Variants in PTPRA observed in about 807,000 individuals in gnomAD.
PTPRA encodes protein tyrosine phosphatase receptor type A, also known as receptor-type tyrosine-protein phosphatase alpha.
A neutral mutation model predicts 104.8 loss-of-function variants in PTPRA; 25 were observed. The observed-to-expected ratio is 0.24, with a 90% CI of 0.17 to 0.33. The LOEUF (loss-of-function observed/expected upper bound fraction) is 0.33, where lower values mean the gene tolerates loss of function less well. Among genes scored for constraint, PTPRA ranks in the 10% least tolerant of loss-of-function variants. The probability of loss-of-function intolerance (pLI) is 1.00; values close to 1 mark genes in which losing one functional copy is unlikely to be tolerated. For missense variants in PTPRA, 765 were observed against 1,015.3 expected (o/e 0.75, Z 3.35); for synonymous variants, 323 against 368.9 (o/e 0.88, Z 1.43).
At chr20:2,893,515 G>A (rs1290384753) in intron 1 of PTPRA, among the ~76,000 whole-genome samples, 2 of 152,082 alleles carry the variant, frequency 1.3e-5, no homozygotes, top group African/African-American at 4.8e-5. Context: ...AATATATTAT[G>A]TAGCTATATG....
chr20:2,913,355 G>T (rs1475774396), intron 1 of PTPRA, among the ~76,000 whole-genome samples: 2 of 152,098 alleles, frequency 1.3e-5, no homozygotes, highest in Non-Finnish European at 2.9e-5. Context: ...TCCAGCCTGG[G>T]TGACAGAGTG....
chr20:2,947,019 T>C (rs977975699), intron 2 of PTPRA, among the ~76,000 whole-genome samples: 1 of 152,152 alleles, frequency 6.6e-6, no homozygotes, highest in Non-Finnish European at 1.5e-5. Flanking sequence ...GTGAGCTCCT[T>C]GAGGACAGGA....
upstream of PTPRA, among the ~76,000 whole-genome samples, chr20:2,869,168 T>C (rs181855630): frequency 5.4e-4 from 82 of 152,364 alleles, no homozygotes; most frequent in Admixed American, 3.7e-3. Context: ...GATTCTACCA[T>C]TAGCATCTTA....
chr20:2,932,790 G>C (rs1213985975), intron 2 of PTPRA, among the ~76,000 whole-genome samples: 1 of 152,248 alleles, frequency 6.6e-6, no homozygotes, highest in African/African-American at 2.4e-5. Flanking sequence ...GAACCAGATG[G>C]TAAGTATAAT....
At chr20:2,924,270 C>T (rs749497885) in intron 2 of PTPRA, among the ~76,000 whole-genome samples, 4 of 152,084 alleles carry the variant, frequency 2.6e-5, no homozygotes, top group Admixed American at 6.6e-5. Context: ...AGTGTGGTGG[C>T]TCACGCCTGT....
rs1243064928 is a variant in PTPRA, at chr20:2,988,345, G to C, written c.609G>C (p.Gln203His). Residue 203 changes from glutamine (Q) to histidine (H), a missense_variant, in exon 9 of 24, where the codon CAG (glutamine) becomes CAC (histidine). Around this residue, in one of 4 missense-constraint regions of PTPRA, gnomAD observed 256 missense variants for 248.9 expected, o/e 1.03. Coordinates refer to ENST00000399903, the MANE Select transcript of PTPRA (RefSeq NM_001385305.1). ...CTCCCTTGTGTACTGCAGAGCCCCAGAGTGTGCCACTTCTGGCCAGATCCC... is the reference window on the plus strand; with the variant it reads ...CTCCCTTGTGTACTGCAGAGCCCCACAGTGTGCCACTTCTGGCCAGATCCC... Reference protein sequence around the residue: ...SNGRTEDVEPQSVPLLARSPS... With the variant: ...SNGRTEDVEPHSVPLLARSPS... 6.2e-7 allele frequency: 1 copy of C among 1,600,440 alleles called. No individual in the cohort carries two copies. Among genetic ancestry groups the C allele is most frequent in the South Asian group, 1.1e-5 (1 of 89,198 alleles).
At chr20:2,977,976 T>C (rs2062509812) in intron 6 of PTPRA, among the ~76,000 whole-genome samples, 1 of 151,928 alleles carries the variant, frequency 6.6e-6, no homozygotes, top group Non-Finnish European at 1.5e-5. Flanking sequence ...TTGGGAAGTT[T>C]AAATTAAAAT....
chr20:2,874,124 T>G (rs1023193225), intron 1 of PTPRA, among the ~76,000 whole-genome samples: 1 of 152,158 alleles, frequency 6.6e-6, no homozygotes, highest in African/African-American at 2.4e-5. Context: ...AGAGGAAAAC[T>G]CTTGGCATGA....
chr20:2,869,537 C>A (rs1449305586), upstream of PTPRA, among the ~76,000 whole-genome samples: 1 of 152,190 alleles, frequency 6.6e-6, no homozygotes, highest in East Asian at 1.9e-4. Context: ...CAGGCCTATG[C>A]CTACATGGGT....
chr20:3,010,124 A>G (rs1378512375), intron 11 of PTPRA, among the ~76,000 whole-genome samples: 1 of 150,468 alleles, frequency 6.6e-6, no homozygotes, highest in Non-Finnish European at 1.5e-5. Flanking sequence ...TGCTGGGATT[A>G]CAGGCGTGAG....
intron 13 of PTPRA, among the ~76,000 whole-genome samples, chr20:3,019,052 C>T (rs546175951): frequency 2.2e-5 from 3 of 136,458 alleles, no homozygotes; most frequent in East Asian, 4.8e-4. Context: ...ACCTCCCGGA[C>T]GGGGCGGCTG....
At chr20:2,989,826 G>A (rs923155316) in intron 9 of PTPRA, among the ~76,000 whole-genome samples, 1 of 152,032 alleles carries the variant, frequency 6.6e-6, no homozygotes, top group Non-Finnish European at 1.5e-5. Context: ...GACCATCCTG[G>A]CTAACACAGT....
chr20:3,036,462 C>A (rs1214207662), intron 22 of PTPRA, among the ~76,000 whole-genome samples: 1 of 152,230 alleles, frequency 6.6e-6, no homozygotes, highest in Non-Finnish European at 1.5e-5. Context: ...GGATGGTGTG[C>A]ACCATGGGCT....
At chr20:2,886,915 A>G (rs546486804) in intron 1 of PTPRA, among the ~76,000 whole-genome samples, 2 of 152,056 alleles carry the variant, frequency 1.3e-5, no homozygotes, top group South Asian at 4.1e-4. Flanking sequence ...AGTATCTTTG[A>G]TTAATTTTCA....
At chr20:2,978,311 A>G (rs546828243) in intron 6 of PTPRA, among the ~76,000 whole-genome samples, 99 of 152,326 alleles carry the variant, frequency 6.5e-4, no homozygotes, top group African/African-American at 2.1e-3. Context: ...GGCTCAACCC[A>G]GTGGTTAGAT....
chr20:2,919,728 A>C (rs560708082), intron 1 of PTPRA, among the ~76,000 whole-genome samples: 2 of 151,570 alleles, frequency 1.3e-5, no homozygotes, highest in South Asian at 2.1e-4. Context: ...TAAAGAGTTA[A>C]TGATTGACTC....
upstream of PTPRA, among the ~76,000 whole-genome samples, chr20:2,872,683 G>A (rs1477144681): frequency 3.9e-5 from 6 of 152,266 alleles, no homozygotes; most frequent in Non-Finnish European, 8.8e-5. This position sits in a 1 kb window ranked among gnomAD's most constrained non-coding sequence, Gnocchi z 7.9. Flanking sequence ...GATGGACTGA[G>A]CGATTGCTTC....
intron 3 of PTPRA, among the ~76,000 whole-genome samples, chr20:2,958,628 C>T (rs986971987): frequency 3.2e-4 from 44 of 138,288 alleles, no homozygotes; most frequent in Non-Finnish European, 5.6e-4. Flanking sequence ...CAAGACCAGC[C>T]TGGCCAACAT....
intron 6 of PTPRA, among the ~76,000 whole-genome samples, chr20:2,986,334 A>G (rs1306279656): frequency 6.6e-6 from 1 of 152,128 alleles, no homozygotes; most frequent in African/African-American, 2.4e-5. Context: ...AGGCTGAGAG[A>G]GTGTACAGTG....
Sources: allele counts gnomAD v4.1 joint callset (sites outside exome capture counted in the v4.1 genomes callset), GRCh38; gene constraint gnomAD v4.1.1; regional missense constraint gnomAD v4.1.1; non-coding constraint Gnocchi (gnomAD v3.1); transcripts MANE v1.5; gene names NCBI Gene and HGNC (gene_info 2026-07-23, HGNC 2026-07-21).